The following SORBS2 variants were observed in gnomAD, a reference collection of about 807,000 sequenced individuals.
SORBS2 encodes the protein sorbin and SH3 domain containing 2.
A neutral mutation model predicts 97.7 loss-of-function variants in SORBS2; 46 were observed. That is an observed-to-expected ratio of 0.47 (90% CI 0.37 to 0.60). The LOEUF (loss-of-function observed/expected upper bound fraction) is 0.60, where lower values mean the gene tolerates loss of function less well. Ranked by LOEUF, SORBS2 falls within the 20% of genes least tolerant of loss-of-function variation. SORBS2 has a pLI of 0.00. For synonymous variants in SORBS2, 476 were observed against 473.4 expected (o/e 1.01, Z -0.07); for missense variants, 1,316 against 1,282.3 (o/e 1.03, Z -0.40).
chr4:185,903,333 C>T (rs2099248759), intron 1 of SORBS2, among the ~76,000 whole-genome samples: 1 of 152,090 alleles, frequency 6.6e-6, no homozygotes, highest in South Asian at 2.1e-4. Flanking sequence ...GACATAGTGC[C>T]TGACAGATAC....
intron 2 of SORBS2, among the ~76,000 whole-genome samples, chr4:185,716,669 A>C: frequency 6.6e-6 from 1 of 151,864 alleles, no homozygotes. Context: ...TTGCTTCTTT[A>C]CTCCACAGAT....
chr4:185,845,836 A>C (rs762163120), intron 1 of SORBS2, among the ~76,000 whole-genome samples: 4 of 152,264 alleles, frequency 2.6e-5, no homozygotes, highest in Non-Finnish European at 4.4e-5. Flanking sequence ...AATCATTAGG[A>C]AAATGCAAAT....
At chr4:185,824,744 A>G (rs970818479) in intron 1 of SORBS2, among the ~76,000 whole-genome samples, 8 of 152,218 alleles carry the variant, frequency 5.3e-5, no homozygotes, top group African/African-American at 1.9e-4. Context: ...GAGTGAATCT[A>G]CCATTATAAA....
At chr4:185,650,437 C>A (rs1179653713) in intron 2 of SORBS2, among the ~76,000 whole-genome samples, 1 of 151,974 alleles carries the variant, frequency 6.6e-6, no homozygotes, top group Non-Finnish European at 1.5e-5. Context: ...CCATGGCTTG[C>A]ACGGTTAGTA....
chr4:185,884,080 G>A (rs2099238167), intron 1 of SORBS2, among the ~76,000 whole-genome samples: 1 of 152,126 alleles, frequency 6.6e-6, no homozygotes, highest in Non-Finnish European at 1.5e-5. Flanking sequence ...AACTTCACGG[G>A]GTGGAGGTAA....
chr4:185,648,614 C>T (rs2097257052), intron 3 of SORBS2, among the ~76,000 whole-genome samples: 1 of 152,004 alleles, frequency 6.6e-6, no homozygotes, highest in South Asian at 2.1e-4. Context: ...CACTTAATAA[C>T]CAGTATTAAT....
exon 12 of SORBS2, chr4:185,611,969 A>T: frequency 1.3e-6 from 2 of 1,599,182 alleles, no homozygotes; most frequent in Non-Finnish European, 1.7e-6. Flanking sequence ...TAAGAAGAAT[A>T]ACTCTATCTC....
intron 1 of SORBS2, among the ~76,000 whole-genome samples, chr4:185,908,345 ATATACACATATATATACATG>A (rs2099252801): frequency 6.8e-6 from 1 of 146,154 alleles, no homozygotes; most frequent in African/African-American, 2.5e-5. Flanking sequence ...AAATATATAT[ATATACACATATATATACATG>A]TATATATATG....
At position 185,684,937 on chromosome 4, in the gene SORBS2, C is replaced by G. The variant is rs1473483041; in HGVS notation, c.-197-6115G>C. 6.3e-6 allele frequency: 6 copies of G among 952,714 alleles called. No individual in the cohort carries two copies. In the African/African-American group the frequency reaches 9.8e-5, roughly 16 times the overall value. 59.0% of individuals were successfully genotyped at this position (952,714 alleles called of 1,614,324 possible). ...TTTTAAGAGAAATGTGCCAGACATC[C>G]ATGAGAAAGATGAACAGTTAGAATT... On this transcript the variant is annotated intron_variant, in intron 2 of 20. Transcript: ENST00000284776. This position sits in a 1 kb window ranked among gnomAD's most constrained non-coding sequence, Gnocchi z 4.2.
At chr4:185,714,511 G>A (rs749374633) in intron 2 of SORBS2, among the ~76,000 whole-genome samples, 2 of 151,964 alleles carry the variant, frequency 1.3e-5, no homozygotes, top group African/African-American at 2.4e-5. Context: ...GTGCAGAAAT[G>A]TGTTTCACAA....
intron 4 of SORBS2, among the ~76,000 whole-genome samples, chr4:185,636,743 G>A (rs1476620125): frequency 6.6e-6 from 1 of 151,134 alleles, no homozygotes; most frequent in Non-Finnish European, 1.5e-5. Flanking sequence ...CCGCCTCCCA[G>A]GTTCAAGCGA....
chr4:185,908,271 C>A (rs2099252281), intron 1 of SORBS2, among the ~76,000 whole-genome samples: 1 of 94,710 alleles, frequency 1.1e-5, no homozygotes, highest in Non-Finnish European at 1.9e-5. Flanking sequence ...TGAACCCATG[C>A]AAAGGCTATA....
Position 185,614,810 on chromosome 4 carries a change from AC to A in SORBS2, c.2595+20del, listed in dbSNP as rs1450650536. On this transcript the variant is annotated intron_variant, in intron 11 of 14. Coordinates refer to ENST00000418609, the Ensembl canonical transcript of SORBS2. ...AGAACAAACAAACAAAAACAAACAA[AC>A]AAAAAACCAGCTGGGCTACCTTTCT... 3.7e-6 allele frequency: 6 copies of A among 1,612,642 alleles called. No individual in the cohort carries two copies. The African/African-American group carries it at 6.7e-5, about 18-fold the overall frequency.
At chr4:185,954,324 CTTA>C (rs1363635639) in intron 1 of SORBS2, among the ~76,000 whole-genome samples, 1 of 152,096 alleles carries the variant, frequency 6.6e-6, no homozygotes, top group Non-Finnish European at 1.5e-5. Context: ...TTTAAAAAAT[CTTA>C]TTTTTATCTT....
At chr4:185,638,146 G>A in intron 4 of SORBS2, 1 of 1,608,120 alleles carries the variant, frequency 6.2e-7, no homozygotes, top group Non-Finnish European at 8.5e-7. Flanking sequence ...TATGTCATCT[G>A]GATTTATGCG....
intron 2 of SORBS2, among the ~76,000 whole-genome samples, chr4:185,758,468 G>T (rs1280840347): frequency 6.6e-6 from 1 of 152,098 alleles, no homozygotes; most frequent in African/African-American, 2.4e-5. Flanking sequence ...CAATCTTGGA[G>T]GTTTTTAGCC....
upstream of SORBS2, among the ~76,000 whole-genome samples, chr4:185,659,509 T>C (rs79074001): frequency 0.16 from 24,302 of 150,946 alleles, 2,092 homozygotes; most frequent in East Asian, 0.25. Flanking sequence ...CTCCACCTCC[T>C]GGGTTCACGC....
At chr4:185,663,487 T>C (rs1263763635) in intron 4 of SORBS2, among the ~76,000 whole-genome samples, 2 of 152,148 alleles carry the variant, frequency 1.3e-5, no homozygotes, top group African/African-American at 4.8e-5. Context: ...GTTAGAAAAA[T>C]TACACTCATA....
chr4:185,726,635 T>G (rs2098556226), intron 2 of SORBS2, among the ~76,000 whole-genome samples: 1 of 150,552 alleles, frequency 6.6e-6, no homozygotes, highest in South Asian at 2.1e-4. Context: ...ATATTATATA[T>G]ATAATATATT....
Sources: allele counts gnomAD v4.1 joint callset (sites outside exome capture counted in the v4.1 genomes callset), GRCh38; gene constraint gnomAD v4.1.1; non-coding constraint Gnocchi (gnomAD v3.1); transcripts MANE v1.5; gene names NCBI Gene and HGNC (gene_info 2026-07-23, HGNC 2026-07-21).